Variants in HEATR5B observed in about 807,000 individuals in gnomAD.
HEATR5B encodes HEAT repeat containing 5B.
HEATR5B carries 156 observed loss-of-function variants against 224.1 expected under a neutral mutation model. That is an observed-to-expected ratio of 0.70 (90% CI 0.61 to 0.80). The LOEUF is 0.80. HEATR5B is among the 30% of genes least tolerant of loss of function. The pLI, the probability that HEATR5B is intolerant of heterozygous loss-of-function variation, is 0.00. For synonymous variants in HEATR5B, 1,027 were observed against 893.0 expected (o/e 1.15, Z -2.68); for missense variants, 2,323 against 2,535.5 (o/e 0.92, Z 1.80).
chr2:37,068,672 G>C lies in HEATR5B; in HGVS notation c.1177+9C>G. The C allele has an allele frequency of 6.2e-7, 1 of 1,613,652 alleles. No individual in the cohort carries two copies. The highest frequency in any genetic ancestry group is 2.2e-5 in the East Asian group (1 of 44,874). On this transcript the variant is annotated intron_variant, in intron 8 of 35. Transcript: ENST00000233099. Reference sequence around the variant, plus strand: ...GGTAATCAACACACATAATGATACTGATTCTTACCTACGGCTTTCATTTGT... The same window carrying C: ...GGTAATCAACACACATAATGATACTCATTCTTACCTACGGCTTTCATTTGT...
At chr2:37,059,233 G>A (rs1222625944) in intron 12 of HEATR5B, among the ~76,000 whole-genome samples, 3 of 150,814 alleles carry the variant, frequency 2.0e-5, no homozygotes, top group Admixed American at 6.6e-5. Flanking sequence ...TTCTTCGGGT[G>A]GAAATTCAGA....
chr2:37,059,949 T>C (rs1022272472), intron 12 of HEATR5B, among the ~76,000 whole-genome samples: 2 of 152,142 alleles, frequency 1.3e-5, no homozygotes, highest in Non-Finnish European at 1.5e-5. Flanking sequence ...TGGTGAAACA[T>C]GTATCTCTCT....
chr2:36,983,796 T>C (rs987757201), intron 35 of HEATR5B, among the ~76,000 whole-genome samples: 6 of 152,008 alleles, frequency 3.9e-5, no homozygotes, highest in Non-Finnish European at 1.5e-5. Flanking sequence ...AATTATAAAA[T>C]ATATATAAAA....
chr2:37,072,163 G>GAC lies in HEATR5B; in HGVS notation c.714_715dup (p.Ser239CysfsTer5). 6.2e-7 allele frequency: 1 copy of GAC among 1,614,016 alleles called. No individual in the cohort carries two copies. The highest frequency in any genetic ancestry group is 8.5e-7 in the Non-Finnish European group (1 of 1,179,956). On this transcript the variant is annotated frameshift_variant, in exon 6 of 36. Coordinates refer to ENST00000233099, the MANE Select transcript of HEATR5B (RefSeq NM_019024.3). LOFTEE classifies it high-confidence loss of function. ...GGCCATGACTGTTCCTAAAAGTTTA[G>GAC]ACACTGCCACTCGTACCCCATAATT...
rs1671551930 is a variant in HEATR5B, at chr2:37,065,784, G to GC, written c.1303dup (p.Ala435GlyfsTer71). The GC allele has an allele frequency of 6.2e-7, 1 of 1,613,852 alleles. No individual in the cohort carries two copies. The highest frequency in any genetic ancestry group is 1.3e-5 in the African/African-American group (1 of 75,050). On this transcript the variant is annotated frameshift_variant, in exon 9 of 36. Coordinates refer to ENST00000233099, the MANE Select transcript of HEATR5B (RefSeq NM_019024.3). LOFTEE classifies it high-confidence loss of function. The stretch of plus-strand genomic sequence containing the variant: ...AGATGCTTCTTGAATAAGAGGGGAT[G>GC]CGGTGGCATTCAAGCTCTGCACCAG...
chr2:37,072,305 A>T lies in HEATR5B; in HGVS notation c.598-24T>A, dbSNP rs768376720. 38 of 1,537,560 alleles carry T rather than the reference A, an allele frequency of 2.5e-5. No homozygotes were observed. In the Middle Eastern group the frequency reaches 5.3e-4, roughly 21 times the overall value. On this transcript the variant is annotated intron_variant, in intron 5 of 35. Transcript: ENST00000233099. ...CACTGGAATTAAAAACAAAAAAGTA[A>T]ATAACATCCTATAACATCTGCTTCC...
chr2:37,080,266 T>C (rs1340156307), intron 2 of HEATR5B, among the ~76,000 whole-genome samples: 2 of 152,202 alleles, frequency 1.3e-5, no homozygotes, highest in African/African-American at 4.8e-5. Flanking sequence ...GAGAACTTTG[T>C]ATGTTACTCT....
At chr2:36,996,634 C>T (rs1666734864) in intron 33 of HEATR5B, among the ~76,000 whole-genome samples, 1 of 151,890 alleles carries the variant, frequency 6.6e-6, no homozygotes, top group South Asian at 2.1e-4. Flanking sequence ...TCTTGTTGCC[C>T]AGGATGGAGT....
chr2:37,079,250 T>G lies in HEATR5B; in HGVS notation c.208A>C (p.Lys70Gln). The change falls in exon 3 of 36, where the codon AAA becomes CAA. Residue 70 changes from lysine (K) to glutamine (Q), a missense_variant. By Grantham distance (53) the Lys-to-Gln change is moderately conservative. Around this residue, in one of 12 missense-constraint regions of HEATR5B, gnomAD observed 292 missense variants for 332.6 expected, o/e 0.88. Transcript: ENST00000233099. Reference sequence around the variant, plus strand: ...GCTGCGAGATTTTTAGCTAATAATTTTCGTGTAGGTGGTCCAGGTGAACTA... The same window carrying G: ...GCTGCGAGATTTTTAGCTAATAATTGTCGTGTAGGTGGTCCAGGTGAACTA... ...ISSSPGPPTR[K>Q]LLAKNLAALY... 1.9e-6 allele frequency: 3 copies of G among 1,612,664 alleles called. No individual in the cohort carries two copies. The highest frequency in any genetic ancestry group is 2.5e-6 in the Non-Finnish European group (3 of 1,178,772).
Position 37,007,062 on chromosome 2 carries a change from G to A in HEATR5B, c.4765C>T (p.His1589Tyr). ...ATGACAGACCTACCTAAAATCAGAT[G>A]CATTCTGTCTTTGTTAATTTCTGGC... is the stretch of plus-strand genomic sequence containing the variant. ...SLPEINKDRMHLILGVSIQFL... is the reference protein window; with the variant it reads ...SLPEINKDRMYLILGVSIQFL... Residue 1589 changes from histidine to tyrosine, a missense_variant, in exon 29 of 36, where the codon CAT becomes TAT. This residue lies in a region of HEATR5B where 844 missense variants were observed against 812.9 expected (regional missense o/e 1.04). Transcript: ENST00000233099. 2 of 1,613,678 alleles carry A rather than the reference G, an allele frequency of 1.2e-6. No individual in the cohort carries two copies. Among genetic ancestry groups the A allele is most frequent in the Non-Finnish European group, 1.7e-6 (2 of 1,179,626 alleles).
rs1052139418 is a variant in HEATR5B, at chr2:36,981,112, T to G, written c.*378A>C. On this transcript the variant is annotated 3_prime_UTR_variant, in exon 36 of 36. Transcript: ENST00000233099. ...AATTTAAAATCTGCTTGTTTTTCAA[T>G]TGATTTTTTTCATGACAGATGCTGA... is the stretch of plus-strand genomic sequence containing the variant. 3.7e-5 allele frequency: 6 copies of G among 161,682 alleles called. No individual in the cohort carries two copies. The highest frequency in any genetic ancestry group is 6.7e-5 in the Non-Finnish European group (5 of 74,906). The allele number at this position is 161,682 out of a possible 1,614,324, so 10.0% of individuals were successfully genotyped here.
intron 19 of HEATR5B, among the ~76,000 whole-genome samples, chr2:37,040,788 G>T (rs966371334): frequency 6.6e-6 from 1 of 151,806 alleles, no homozygotes; most frequent in African/African-American, 2.4e-5. Flanking sequence ...CAGGACCTAC[G>T]TTGGGGTATC....
Position 37,002,691 on chromosome 2 carries a change from C to T in HEATR5B, c.5051-119G>A, listed in dbSNP as rs989851903. ...TAAGCAAATGTCAAATAATGTCACA[C>T]GTCCTTCTCTGTATAATTCTCTGCC... On this transcript the variant is annotated intron_variant, in intron 31 of 35. Transcript: ENST00000233099. 7.1e-5 allele frequency: 69 copies of T among 977,652 alleles called. 1 individual carries two copies. Among genetic ancestry groups the T allele is most frequent in the South Asian group, 5.4e-4 (32 of 59,584 alleles). 60.6% of individuals were successfully genotyped at this position (977,652 alleles called of 1,614,324 possible).
At position 37,075,716 on chromosome 2, in the gene HEATR5B, G is replaced by C. The variant is rs1672187880; in HGVS notation, c.448-82C>G. On this transcript the variant is annotated intron_variant, in intron 4 of 35. Transcript: ENST00000233099. ...GAACACACCAAGACAAAAGTTCTTT[G>C]GGTCTAATGGTCTTACCTCCAAATT... The C allele has an allele frequency of 3.0e-6, 3 of 991,900 alleles. No homozygotes were observed. The Admixed American group carries it at 7.8e-5, about 26-fold the overall frequency. The allele number at this position is 991,900 out of a possible 1,614,324, so 61.4% of individuals were successfully genotyped here. A position where few individuals can be genotyped will look rare whatever the true frequency, so the allele number is the denominator to read the frequency against.
chr2:37,065,084 A>G (rs1167529424), intron 9 of HEATR5B, 94 bp from the exon 10 acceptor site: 1 of 1,286,906 alleles, frequency 7.8e-7, no homozygotes, highest in Non-Finnish European at 1.1e-6. Flanking sequence ...TGAAATGACA[A>G]TCACCAAGCT....
chr2:37,001,090 T>C (rs970195360), intron 32 of HEATR5B, among the ~76,000 whole-genome samples: 1 of 152,172 alleles, frequency 6.6e-6, no homozygotes, highest in Non-Finnish European at 1.5e-5. Context: ...TAATATTTCA[T>C]GCCCTGTGTA....
rs777502148 is a variant in HEATR5B, at chr2:37,000,818, A to T, written c.5318-5T>A. On this transcript the variant is annotated splice_region_variant and splice_polypyrimidine_tract_variant and intron_variant, in intron 32 of 35. Transcript: ENST00000233099. ...TGGGCAGGATTGTCATACATCCTGAAAGAAAAACAAATCAGATCACCTCAT... is the reference window on the plus strand; with the variant it reads ...TGGGCAGGATTGTCATACATCCTGATAGAAAAACAAATCAGATCACCTCAT... The T allele has an allele frequency of 2.5e-6, 4 of 1,577,180 alleles. No individual in the cohort carries two copies. In the South Asian group the frequency reaches 4.4e-5, roughly 17 times the overall value.
At chr2:37,009,121 G>A (rs1001132924) in intron 27 of HEATR5B, among the ~76,000 whole-genome samples, 1 of 151,844 alleles carries the variant, frequency 6.6e-6, no homozygotes, top group African/African-American at 2.4e-5. Flanking sequence ...AGCCGGGCAT[G>A]GTGGCAGGCA....
At chr2:37,003,143 T>A (rs1667196637) in intron 31 of HEATR5B, among the ~76,000 whole-genome samples, 1 of 150,976 alleles carries the variant, frequency 6.6e-6, no homozygotes, top group Admixed American at 6.7e-5. Context: ...TAAACCCAGG[T>A]ACTCTGGAGG....
Sources: allele counts gnomAD v4.1 joint callset (sites outside exome capture counted in the v4.1 genomes callset), GRCh38; gene constraint gnomAD v4.1.1; regional missense constraint gnomAD v4.1.1; transcripts MANE v1.5; gene names NCBI Gene and HGNC (gene_info 2026-07-23, HGNC 2026-07-21).